Variants in LRP1 observed in about 807,000 individuals in gnomAD.
LRP1 encodes LDL receptor related protein 1.
A neutral mutation model predicts 541.5 loss-of-function variants in LRP1; 51 were observed. The observed-to-expected ratio is 0.09, with a 90% CI of 0.08 to 0.12. The LOEUF is 0.12. Among genes scored for constraint, LRP1 ranks in the 10% least tolerant of loss-of-function variants. The probability of loss-of-function intolerance (pLI) is 1.00; values close to 1 mark genes in which losing one functional copy is unlikely to be tolerated. For synonymous variants in LRP1, 2,219 were observed against 2,470.8 expected (o/e 0.90, Z 3.02); for missense variants, 3,878 against 6,376.2 (o/e 0.61, Z 13.34).
intron 1 of LRP1, among the ~76,000 whole-genome samples, chr12:57,135,364 G>A (rs2035135508): frequency 6.6e-6 from 1 of 152,208 alleles, no homozygotes; most frequent in Non-Finnish European, 1.5e-5. Flanking sequence ...GACACAGAAG[G>A]CTCTGCTGAG....
intron 1 of LRP1, chr12:57,129,235 C>A: frequency 1.7e-6 from 1 of 578,068 alleles, no homozygotes; most frequent in Non-Finnish European, 3.1e-6. Context: ...GCTTCCGGGG[C>A]CCCCCAGCAC....
rs768291694 is a variant in LRP1, at chr12:57,177,060, G to A, written c.4011G>A (p.Val1337=). 10 of 1,614,086 alleles carry A rather than the reference G, an allele frequency of 6.2e-6. No homozygotes were observed. Among genetic ancestry groups the A allele is most frequent in the Admixed American group, 1.7e-5 (1 of 60,024 alleles). The change falls in exon 25 of 89, where the codon GTG becomes GTA. Residue 1337 remains valine (V), a synonymous_variant. Coordinates refer to ENST00000243077, the MANE Select transcript of LRP1 (RefSeq NM_002332.3). This position sits in a 1 kb window ranked among gnomAD's most constrained non-coding sequence, Gnocchi z 6.8. ...CTCCAGCCCTGACTAGTTTCGAGGT[G>A]GTGATTCAGTATGGCCTGGCCACAC... ...LDNGALTSFE[V]VIQYGLATPE...
chr12:57,204,406 C>A lies in LRP1; in HGVS notation c.10952-4C>A, dbSNP rs1014269445. On this transcript the variant is annotated splice_polypyrimidine_tract_variant and splice_region_variant and intron_variant, in intron 70 of 88. Coordinates refer to ENST00000243077, the MANE Select transcript of LRP1 (RefSeq NM_002332.3). This position sits in a 1 kb window ranked among gnomAD's most constrained non-coding sequence, Gnocchi z 5.3. ...TTCTATCTCTTGGCTCCCCCTGGCACCAGTGCGGACCTGCCCCCTGGACGA... is the reference window on the plus strand; with the variant it reads ...TTCTATCTCTTGGCTCCCCCTGGCAACAGTGCGGACCTGCCCCCTGGACGA... 6.6e-6 allele frequency: 10 copies of A among 1,518,596 alleles called. No homozygotes were observed. Among genetic ancestry groups the A allele is most frequent in the African/African-American group, 2.8e-5 (2 of 71,776 alleles). The allele number at this position is 1,518,596 out of a possible 1,614,324, so 94.1% of individuals were successfully genotyped here.
intron 20 of LRP1, among the ~76,000 whole-genome samples, chr12:57,170,128 G>A (rs2035917481): frequency 6.6e-6 from 1 of 152,144 alleles, no homozygotes; most frequent in African/African-American, 2.4e-5. Context: ...AGCTTGACCC[G>A]ATCTCTGCCT....
In LRP1 at chr12:57,200,826, G is replaced by GACCCCCC; in HGVS notation, c.10225+11_10225+12insACCCCCC. The GACCCCCC allele has an allele frequency of 3.2e-6, 5 of 1,581,428 alleles. No individual in the cohort carries two copies. Among genetic ancestry groups the GACCCCCC allele is most frequent in the South Asian group, 1.1e-5 (1 of 89,996 alleles). The stretch of plus-strand genomic sequence containing the variant: ...ACGAGGCCAACTGTGGTAAGGCGCT[G>GACCCCCC]CCCGCCCACCCTCCCTCCTTCCCCA... On this transcript the variant is annotated intron_variant, in intron 64 of 88. Transcript: ENST00000243077.
At chr12:57,147,035 A>G (rs2035423715) in intron 6 of LRP1, among the ~76,000 whole-genome samples, 1 of 152,042 alleles carries the variant, frequency 6.6e-6, no homozygotes, top group African/African-American at 2.4e-5. Flanking sequence ...TCATCTCCTT[A>G]TCTGACTTCC....
At chr12:57,181,005 A>T in intron 33 of LRP1, 152 bp from the exon 34 acceptor site, 1 of 1,203,074 alleles carries the variant, frequency 8.3e-7, no homozygotes, top group South Asian at 1.5e-5. Flanking sequence ...GGGGCCCAGG[A>T]GGACAGAAAA....
At chr12:57,142,089 G>C (rs965796709) in intron 3 of LRP1, among the ~76,000 whole-genome samples, 13 of 152,216 alleles carry the variant, frequency 8.5e-5, no homozygotes, top group African/African-American at 3.1e-4. Flanking sequence ...GGAACATTAG[G>C]ATGACAAGTC....
chr12:57,194,628 G>A lies in LRP1; in HGVS notation c.8120G>A (p.Arg2707His), dbSNP rs771014376. The change falls in exon 50 of 89, where the codon CGC (arginine) becomes CAC (histidine). Residue 2707 changes from arginine to histidine, a missense_variant. Arg to His is a conservative substitution (Grantham distance 29, BLOSUM62 0). Coordinates refer to ENST00000243077, the MANE Select transcript of LRP1 (RefSeq NM_002332.3). ...AATTACTTCGCCTGCCCTAGTGGGC[G>A]CTGCATCCCCATGAGCTGGACGTGT... ...PLNYFACPSG[R>H]CIPMSWTCDK... 5.6e-6 allele frequency: 9 copies of A among 1,609,492 alleles called. No homozygotes were observed. The highest frequency in any genetic ancestry group is 1.7e-5 in the Admixed American group (1 of 59,348).
rs906595184 is a variant in LRP1, at chr12:57,194,877, C to G, written c.8192-108C>G. 5 of 1,169,868 alleles carry G rather than the reference C, an allele frequency of 4.3e-6. No individual in the cohort carries two copies. In the East Asian group the frequency reaches 9.5e-5, roughly 22 times the overall value. 72.5% of individuals were successfully genotyped at this position (1,169,868 alleles called of 1,614,324 possible). A position where few individuals can be genotyped will look rare whatever the true frequency, so the allele number is the denominator to read the frequency against. ...GCCTCTAGCTGCTGCTGAGCCCCCC[C>G]ACAGAGGGGTGCTGTGGGCATCTCT... On this transcript the variant is annotated intron_variant, in intron 50 of 88. Coordinates refer to ENST00000243077, the MANE Select transcript of LRP1 (RefSeq NM_002332.3).
intron 12 of LRP1, 39 bp downstream of exon 12, chr12:57,160,044 G>A: frequency 1.3e-6 from 2 of 1,597,744 alleles, no homozygotes; most frequent in Non-Finnish European, 1.7e-6. Flanking sequence ...GGAGCTGGGA[G>A]TGTGTGGGCC....
At chr12:57,186,166 C>G (rs962928344) in intron 41 of LRP1, among the ~76,000 whole-genome samples, 12 of 152,194 alleles carry the variant, frequency 7.9e-5, no homozygotes, top group African/African-American at 2.7e-4. Context: ...GAGCCCAACG[C>G]TCACAAACCC....
intron 20 of LRP1, 40 bp downstream of exon 20, chr12:57,169,347 C>G: frequency 6.5e-7 from 1 of 1,544,410 alleles, no homozygotes; most frequent in Non-Finnish European, 8.8e-7. Flanking sequence ...TGAGATCGAG[C>G]CCCCTGCATC....
At position 57,211,598 on chromosome 12, in the gene LRP1, G is replaced by A; in HGVS notation, c.13193+10G>A. The A allele has an allele frequency of 3.1e-6, 5 of 1,613,716 alleles. No homozygotes were observed. The highest frequency in any genetic ancestry group is 4.2e-6 in the Non-Finnish European group (5 of 1,179,684). Reference sequence around the variant, plus strand: ...TGATGCCTGAGTGCCAGTGAGTTGGGCCCGGGCTTCACCCAGGCATAGATC... The same window carrying A: ...TGATGCCTGAGTGCCAGTGAGTTGGACCCGGGCTTCACCCAGGCATAGATC... On this transcript the variant is annotated intron_variant, in intron 85 of 88. Transcript: ENST00000243077. The surrounding 1 kb of genome is among the most constrained non-coding windows in gnomAD (Gnocchi z 4.3).
chr12:57,146,275 A>G lies in LRP1; in HGVS notation c.841+785A>G, dbSNP rs34217915. ...TCCAAAGAAATGCACCACAGGGCTG[A>G]GAGGAAGAATCTGGCCTGTGGTTGA... On this transcript the variant is annotated intron_variant, in intron 6 of 88. Coordinates refer to ENST00000243077, the MANE Select transcript of LRP1 (RefSeq NM_002332.3). 1.5e-3 allele frequency among the ~76,000 whole-genome samples: 224 copies of G among 152,304 alleles called. 1 individual carries two copies. The highest frequency in any genetic ancestry group is 5.3e-3 in the African/African-American group (221 of 41,536).
intron 13 of LRP1, among the ~76,000 whole-genome samples, chr12:57,161,847 T>A (rs1413385618): frequency 1.3e-5 from 2 of 152,094 alleles, no homozygotes; most frequent in African/African-American, 4.8e-5. Flanking sequence ...TCTGAGACAG[T>A]GGGAAGCTCA....
Position 57,212,110 on chromosome 12 carries a change from T to G in LRP1, c.13350-7T>G. The G allele has an allele frequency of 6.2e-7, 1 of 1,613,720 alleles. No homozygotes were observed. Among genetic ancestry groups the G allele is most frequent in the South Asian group, 1.1e-5 (1 of 91,062 alleles). ...CTCTGTCTCCTTATACTCCTGCCTT[T>G]CCCCAGGGCTAAGGGCTTCCAGCAC... On this transcript the variant is annotated splice_region_variant and splice_polypyrimidine_tract_variant and intron_variant, in intron 87 of 88. Coordinates refer to ENST00000243077, the MANE Select transcript of LRP1 (RefSeq NM_002332.3). This position sits in a 1 kb window ranked among gnomAD's most constrained non-coding sequence, Gnocchi z 5.0.
Position 57,204,424 on chromosome 12 carries a change from C to T in LRP1, c.10966C>T (p.Leu3656=). The change falls in exon 71 of 89, where the codon CTG becomes TTG. Residue 3656 remains leucine (L), a synonymous_variant. Transcript: ENST00000243077. This position sits in a 1 kb window ranked among gnomAD's most constrained non-coding sequence, Gnocchi z 5.3. ...ACGTGVRTCP[L]DEFQCNNTLC... Reference sequence around the variant, plus strand: ...CCTGGCACCAGTGCGGACCTGCCCCCTGGACGAGTTCCAGTGCAACAACAC... The same window carrying T: ...CCTGGCACCAGTGCGGACCTGCCCCTTGGACGAGTTCCAGTGCAACAACAC... The T allele has an allele frequency of 6.5e-7, 1 of 1,548,404 alleles. No individual in the cohort carries two copies. Among genetic ancestry groups the T allele is most frequent in the Non-Finnish European group, 8.7e-7 (1 of 1,145,006 alleles).
At position 57,184,437 on chromosome 12, in the gene LRP1, C is replaced by G. The variant is rs972366653; in HGVS notation, c.6171C>G (p.Ile2057Met). 6.2e-7 allele frequency: 1 copy of G among 1,614,250 alleles called. No individual in the cohort carries two copies. Among genetic ancestry groups the G allele is most frequent in the Non-Finnish European group, 8.5e-7 (1 of 1,180,038 alleles). Residue 2057 changes from isoleucine to methionine, a missense_variant, in exon 38 of 89, where the codon ATC becomes ATG. Coordinates refer to ENST00000243077, the MANE Select transcript of LRP1 (RefSeq NM_002332.3). This position sits in a 1 kb window ranked among gnomAD's most constrained non-coding sequence, Gnocchi z 7.8. ...VNVSISWPNG[I>M]SVDYQDGKLY... The stretch of plus-strand genomic sequence containing the variant: ...TCAGCATCAGCTGGCCCAACGGCAT[C>G]TCAGTGGACTACCAGGTTCGCACGC...
Sources: gnomAD v4.1 joint callset for allele counts (sites outside exome capture counted in the v4.1 genomes callset) on GRCh38, gnomAD v4.1.1 for gene constraint, Gnocchi (gnomAD v3.1) non-coding constraint, MANE v1.5 for transcripts, NCBI Gene and HGNC (gene_info 2026-07-23, HGNC 2026-07-21) for gene names.